The following DPF3 variants were observed in gnomAD, a reference collection of about 807,000 sequenced individuals.
DPF3 encodes double PHD fingers 3, also known as zinc finger protein DPF3.
Under a neutral mutation model 56.8 loss-of-function variants are expected in DPF3, and 18 were observed. That is an observed-to-expected ratio of 0.32 (90% CI 0.22 to 0.47). The LOEUF (loss-of-function observed/expected upper bound fraction) is 0.47, where lower values mean the gene tolerates loss of function less well. Ranked by LOEUF, DPF3 falls within the 20% of genes least tolerant of loss-of-function variation. DPF3 has a pLI of 1.00. For synonymous variants in DPF3, 188 were observed against 180.2 expected, an observed-to-expected ratio of 1.04 and a Z score of -0.35; for missense variants, 403 against 488.8, an observed-to-expected ratio of 0.82 and a Z score of 1.65.
intron 8 of DPF3, among the ~76,000 whole-genome samples, chr14:72,631,996 A>C (rs1005150426): frequency 1.3e-5 from 2 of 152,210 alleles, no homozygotes; most frequent in Non-Finnish European, 2.9e-5. Flanking sequence ...TGAGCAGTGA[A>C]GCAGCTTAGC....
At chr14:72,677,414 T>C (rs1402921028) in intron 7 of DPF3, among the ~76,000 whole-genome samples, 1 of 152,208 alleles carries the variant, frequency 6.6e-6, no homozygotes, top group Non-Finnish European at 1.5e-5. Flanking sequence ...GGTTCTCCCA[T>C]GGAGCTCTCC....
At chr14:72,701,529 C>T (rs561621196) in intron 6 of DPF3, among the ~76,000 whole-genome samples, 1 of 152,162 alleles carries the variant, frequency 6.6e-6, no homozygotes, top group Non-Finnish European at 1.5e-5. Context: ...AAACCTACCC[C>T]ACTCCTAGTC....
chr14:72,770,649 C>T (rs549668027), intron 2 of DPF3, among the ~76,000 whole-genome samples: 3 of 152,260 alleles, frequency 2.0e-5, no homozygotes, highest in South Asian at 2.1e-4. Context: ...AGATGAAACA[C>T]GATTGACCAT....
chr14:72,767,760 C>CAAAAAAAAAAAA (rs372452441), intron 2 of DPF3, among the ~76,000 whole-genome samples: 1 of 72,500 alleles, frequency 1.4e-5, no homozygotes, highest in Admixed American at 1.3e-4. Flanking sequence ...CCAAATTTGG[C>CAAAAAAAAAAAA]AAAAAAAAAA....
intron 9 of DPF3, among the ~76,000 whole-genome samples, chr14:72,624,553 G>C (rs950581284): frequency 6.6e-6 from 1 of 152,064 alleles, no homozygotes; most frequent in Middle Eastern, 3.2e-3. Flanking sequence ...TGGCCAGGCT[G>C]TTCTCCAGCG....
chr14:72,659,316 T>C (rs550477701), intron 8 of DPF3, among the ~76,000 whole-genome samples: 1 of 152,304 alleles, frequency 6.6e-6, no homozygotes. Context: ...ACATGATTTC[T>C]TTCTCTCTTT....
intron 1 of DPF3, among the ~76,000 whole-genome samples, chr14:72,870,412 C>T (rs577457728): frequency 9.2e-5 from 14 of 152,322 alleles, no homozygotes; most frequent in African/African-American, 3.4e-4. Flanking sequence ...GGGCTGAGTC[C>T]AGTCACCTTA....
intron 1 of DPF3, among the ~76,000 whole-genome samples, chr14:72,780,690 C>T (rs1891935217): frequency 6.6e-6 from 1 of 152,198 alleles, no homozygotes; most frequent in Middle Eastern, 3.2e-3. Flanking sequence ...AAAAAGGTCA[C>T]TTCAGCTCCT....
intron 8 of DPF3, among the ~76,000 whole-genome samples, chr14:72,643,809 A>T (rs578026121): frequency 6.6e-6 from 1 of 152,342 alleles, no homozygotes; most frequent in East Asian, 1.9e-4. Flanking sequence ...TCAAGAAAGG[A>T]CAGAAGTGTT....
intron 3 of DPF3, among the ~76,000 whole-genome samples, chr14:72,743,060 T>TG (rs972814873): frequency 1.3e-5 from 2 of 152,142 alleles, no homozygotes; most frequent in African/African-American, 4.8e-5. Flanking sequence ...CCCAACGACA[T>TG]GGGATGGGGG....
At chr14:72,648,705 C>T (rs1387198256) in intron 8 of DPF3, among the ~76,000 whole-genome samples, 7 of 152,104 alleles carry the variant, frequency 4.6e-5, no homozygotes, top group South Asian at 2.1e-4. Context: ...AACCCAAAGC[C>T]GACTGGCACC....
intron 7 of DPF3, chr14:72,675,646 T>C (rs1886877730): frequency 6.6e-6 from 1 of 152,236 alleles, no homozygotes; most frequent in Non-Finnish European, 1.5e-5. Flanking sequence ...CCTCCAGGAA[T>C]AGAAAACCTA....
At chr14:72,874,469 A>G (rs963200181) in intron 1 of DPF3, among the ~76,000 whole-genome samples, 5 of 150,420 alleles carry the variant, frequency 3.3e-5, no homozygotes, top group Admixed American at 1.3e-4. Context: ...ACAGAGCAAG[A>G]CTCCGTCTCC....
chr14:72,807,059 T>C (rs940577643), intron 1 of DPF3, among the ~76,000 whole-genome samples: 1 of 151,574 alleles, frequency 6.6e-6, no homozygotes, highest in African/African-American at 2.4e-5. Context: ...GTCAGGGAGG[T>C]GAGTTTTCTC....
intron 2 of DPF3, among the ~76,000 whole-genome samples, chr14:72,767,371 G>A (rs36109264): frequency 0.17 from 25,477 of 152,000 alleles, 2,696 homozygotes; most frequent in East Asian, 0.25. Context: ...TCTTAAAGCA[G>A]CCATCATTAA....
intron 1 of DPF3, among the ~76,000 whole-genome samples, chr14:72,842,995 C>G (rs1295092360): frequency 6.6e-6 from 1 of 152,100 alleles, no homozygotes; most frequent in African/African-American, 2.4e-5. Context: ...TGCACTCCAA[C>G]CCGGGTGACA....
chr14:72,863,764 G>T (rs1226374360), intron 1 of DPF3, among the ~76,000 whole-genome samples: 1 of 152,142 alleles, frequency 6.6e-6, no homozygotes, highest in East Asian at 1.9e-4. Context: ...GGTGAGAGTG[G>T]CTAGCATAGA....
intron 2 of DPF3, among the ~76,000 whole-genome samples, chr14:72,765,274 A>G (rs1891229683): frequency 6.6e-6 from 1 of 151,874 alleles, no homozygotes. Flanking sequence ...GATACAAAGG[A>G]AGTGGAACTC....
chr14:72,704,974 G>A lies in DPF3; in HGVS notation c.604+9449C>T, dbSNP rs144267652. 4.6e-3 allele frequency among the ~76,000 whole-genome samples: 697 copies of A among 152,186 alleles called. 4 individuals carry two copies. Among genetic ancestry groups the A allele is most frequent in the African/African-American group, 0.016 (660 of 41,488 alleles). Reference sequence around the variant, plus strand: ...CTTCAGGCTTTCCTCCCTGAACACCGAATCCTACAGATCAACCTTCCTAGA... The same window carrying A: ...CTTCAGGCTTTCCTCCCTGAACACCAAATCCTACAGATCAACCTTCCTAGA... On this transcript the variant is annotated intron_variant, in intron 6 of 10. Transcript: ENST00000556509.
Sources: gnomAD v4.1 joint callset for allele counts (sites outside exome capture counted in the v4.1 genomes callset) on GRCh38, gnomAD v4.1.1 for gene constraint, MANE v1.5 for transcripts, NCBI Gene and HGNC (gene_info 2026-07-23, HGNC 2026-07-21) for gene names.